Variants in HTT-AS observed in about 807,000 individuals in gnomAD.
HTT-AS encodes HTT antisense RNA.
At chr4:3,053,142 A>G (rs144239374) in intron 2 of HTT-AS, among the ~76,000 whole-genome samples, 133 of 152,310 alleles carry the variant, frequency 8.7e-4, no homozygotes, top group African/African-American at 2.9e-3. Context: ...CAATTTAGAA[A>G]CTTAGAAAGT....
chr4:3,060,805 G>A (rs1043183705), intron 2 of HTT-AS, among the ~76,000 whole-genome samples: 2 of 152,182 alleles, frequency 1.3e-5, no homozygotes, highest in Admixed American at 1.3e-4. Context: ...AGTGTCCCCC[G>A]AGTAGAGACC....
chr4:3,050,013 T>C (rs1711674561), intron 2 of HTT-AS, among the ~76,000 whole-genome samples: 1 of 150,654 alleles, frequency 6.6e-6, no homozygotes, highest in Admixed American at 6.7e-5. Context: ...CGGTGCAATC[T>C]CGGCTCACTC....
At chr4:3,067,240 G>T (rs879722744) in intron 1 of HTT-AS, among the ~76,000 whole-genome samples, 1 of 152,146 alleles carries the variant, frequency 6.6e-6, no homozygotes, top group African/African-American at 2.4e-5. Flanking sequence ...ATGGTGAGAG[G>T]ATCTAATATA....
intron 2 of HTT-AS, among the ~76,000 whole-genome samples, chr4:3,053,371 A>C (rs925534018): frequency 9.9e-5 from 15 of 152,150 alleles, no homozygotes; most frequent in African/African-American, 3.6e-4. Context: ...CGTCTCCACT[A>C]AAAATACAAA....
chr4:3,074,383 C>T (rs537317066), intron 1 of HTT-AS: 2 of 152,938 alleles, frequency 1.3e-5, no homozygotes, highest in East Asian at 4.0e-4. Flanking sequence ...GTCCCTTCCT[C>T]GTCCCGCCTC....
intron 1 of HTT-AS, among the ~76,000 whole-genome samples, chr4:3,068,090 G>A (rs528138400): frequency 2.4e-4 from 36 of 151,986 alleles, no homozygotes; most frequent in Non-Finnish European, 3.2e-4. Flanking sequence ...TGGATCACGA[G>A]GTCAGGAGAC....
At chr4:3,073,201 C>G (rs1188246307) in intron 1 of HTT-AS, among the ~76,000 whole-genome samples, 9 of 152,234 alleles carry the variant, frequency 5.9e-5, no homozygotes, top group Non-Finnish European at 1.0e-4. Flanking sequence ...GCAGGGGACT[C>G]TGGGTTGCAG....
At chr4:3,046,555 C>T (rs1287754945), downstream of HTT-AS, among the ~76,000 whole-genome samples, 1 of 152,212 alleles carries the variant, frequency 6.6e-6, no homozygotes, top group Non-Finnish European at 1.5e-5. Flanking sequence ...ACAATTCCAC[C>T]CTTTTGGTCA....
intron 1 of HTT-AS, among the ~76,000 whole-genome samples, chr4:3,066,755 C>T (rs75683224): frequency 0.027 from 4,080 of 152,234 alleles, 148 homozygotes; most frequent in African/African-American, 0.089. Context: ...AAATCCTCTC[C>T]GGAAGAAGAT....
At chr4:3,058,282 C>T (rs886238371) in intron 2 of HTT-AS, among the ~76,000 whole-genome samples, 6 of 151,704 alleles carry the variant, frequency 4.0e-5, no homozygotes, top group Admixed American at 1.3e-4. Context: ...GCCGAGATTG[C>T]GCCATTGCAC....
intron 1 of HTT-AS, among the ~76,000 whole-genome samples, chr4:3,068,091 G>T (rs1456913996): frequency 6.6e-6 from 1 of 150,552 alleles, no homozygotes; most frequent in African/African-American, 2.5e-5. Flanking sequence ...GGATCACGAG[G>T]TCAGGAGACC....
chr4:3,051,546 A>G (rs968043660), intron 2 of HTT-AS, among the ~76,000 whole-genome samples: 1 of 151,996 alleles, frequency 6.6e-6, no homozygotes, highest in Non-Finnish European at 1.5e-5. Flanking sequence ...AGGGCTACTC[A>G]GGGAAAGGGA....
chr4:3,052,680 A>G (rs945648142), intron 2 of HTT-AS, among the ~76,000 whole-genome samples: 12 of 152,162 alleles, frequency 7.9e-5, no homozygotes, highest in Admixed American at 2.6e-4. Flanking sequence ...GGGGGGATCC[A>G]GGATCTGGTA....
At chr4:3,057,791 T>C (rs1711837151) in intron 2 of HTT-AS, among the ~76,000 whole-genome samples, 1 of 151,568 alleles carries the variant, frequency 6.6e-6, no homozygotes, top group Non-Finnish European at 1.5e-5. Context: ...CCGCCTGTAA[T>C]TTTTTGTATT....
downstream of HTT-AS, among the ~76,000 whole-genome samples, chr4:3,048,925 G>A (rs760081411): frequency 6.6e-6 from 1 of 152,154 alleles, no homozygotes; most frequent in Non-Finnish European, 1.5e-5. Context: ...GTTTCTGACT[G>A]ATTACAGGCA....
intron 2 of HTT-AS, among the ~76,000 whole-genome samples, chr4:3,055,369 A>G (rs1711788312): frequency 6.6e-6 from 1 of 151,900 alleles, no homozygotes; most frequent in Non-Finnish European, 1.5e-5. Context: ...ACCCAGAGGG[A>G]CTTTACTGAG....
chr4:3,048,273 A>G (rs906410606), downstream of HTT-AS, among the ~76,000 whole-genome samples: 2 of 152,050 alleles, frequency 1.3e-5, no homozygotes, highest in African/African-American at 4.8e-5. Flanking sequence ...CTCAGTTACC[A>G]TCGTTTTGGG....
At chr4:3,069,657 GC>G (rs1306747504) in intron 1 of HTT-AS, among the ~76,000 whole-genome samples, 1 of 151,962 alleles carries the variant, frequency 6.6e-6, no homozygotes, top group Non-Finnish European at 1.5e-5. Context: ...TACCAGCGGT[GC>G]ACCTAGAACC....
At chr4:3,064,099 T>TTG (rs1009163894) in intron 1 of HTT-AS, among the ~76,000 whole-genome samples, 1 of 149,716 alleles carries the variant, frequency 6.7e-6, no homozygotes, top group Non-Finnish European at 1.5e-5. Flanking sequence ...TAATAAAGTT[T>TTG]TTTTTTTTTT....
Sources: gnomAD v4.1 joint callset for allele counts (sites outside exome capture counted in the v4.1 genomes callset) on GRCh38, gnomAD v4.1.1 for gene constraint, MANE v1.5 for transcripts, NCBI Gene and HGNC (gene_info 2026-07-23, HGNC 2026-07-21) for gene names.